FGF14: variants seen among roughly 807,000 people sequenced by gnomAD.
FGF14 encodes fibroblast growth factor homologous factor 4.
A neutral mutation model predicts 25.5 loss-of-function variants in FGF14; 5 were observed. That is an observed-to-expected ratio of 0.20 (90% confidence interval 0.10 to 0.41). The LOEUF (loss-of-function observed/expected upper bound fraction) is 0.41, where lower values mean the gene tolerates loss of function less well. Among genes scored for constraint, FGF14 ranks in the 10% least tolerant of loss-of-function variants. The probability of loss-of-function intolerance (pLI) is 1.00; values close to 1 mark genes in which losing one functional copy is unlikely to be tolerated. For synonymous variants in FGF14, 138 were observed against 118.3 expected, an observed-to-expected ratio of 1.17 and a Z score of -1.08; for missense variants, 222 against 320.1, an observed-to-expected ratio of 0.69 and a Z score of 2.34.
chr13:101,727,240 C>A (rs920936077), intron 3 of FGF14, among the ~76,000 whole-genome samples: 1 of 152,094 alleles, frequency 6.6e-6, no homozygotes, highest in Non-Finnish European at 1.5e-5. Flanking sequence ...TTGCCAGTTG[C>A]TCCTTGGATC....
intron 1 of FGF14, among the ~76,000 whole-genome samples, chr13:102,332,306 A>C (rs1160388404): frequency 6.6e-6 from 1 of 152,164 alleles, no homozygotes; most frequent in Non-Finnish European, 1.5e-5. Context: ...AAAAGAGTTG[A>C]CTGTCCATTT....
At chr13:101,821,045 T>G (rs1447924244) in intron 3 of FGF14, among the ~76,000 whole-genome samples, 5 of 145,180 alleles carry the variant, frequency 3.4e-5, no homozygotes, top group East Asian at 2.1e-4. Flanking sequence ...CCCCCCGGGA[T>G]TCACGCCATT....
chr13:102,229,688 T>C (rs1414150414), intron 1 of FGF14, among the ~76,000 whole-genome samples: 1 of 152,202 alleles, frequency 6.6e-6, no homozygotes, highest in Non-Finnish European at 1.5e-5. Flanking sequence ...ACCTCAAGGC[T>C]TCTCAGGCCT....
intron 1 of FGF14, among the ~76,000 whole-genome samples, chr13:102,177,215 T>G (rs2048485416): frequency 6.6e-6 from 1 of 152,194 alleles, no homozygotes; most frequent in African/African-American, 2.4e-5. Flanking sequence ...ATTTGGAAGA[T>G]ATGAATTTTC....
chr13:102,230,566 G>A (rs2051037307), intron 1 of FGF14, among the ~76,000 whole-genome samples: 1 of 152,138 alleles, frequency 6.6e-6, no homozygotes, highest in Non-Finnish European at 1.5e-5. Context: ...GCCTCATGAG[G>A]GATGTGACTC....
chr13:102,131,247 A>G (rs1416940716), intron 1 of FGF14, among the ~76,000 whole-genome samples: 14 of 152,208 alleles, frequency 9.2e-5, no homozygotes, highest in Admixed American at 8.5e-4. Flanking sequence ...TACTTGTGAA[A>G]TATCTCCTGT....
intron 1 of FGF14, among the ~76,000 whole-genome samples, chr13:102,401,281 G>T (rs1208237010): frequency 5.9e-5 from 9 of 151,776 alleles, no homozygotes; most frequent in Non-Finnish European, 1.3e-4. Context: ...TGCCAATAAT[G>T]GTTTTGGGGT....
At chr13:102,277,801 C>T (rs1042004938) in intron 1 of FGF14, among the ~76,000 whole-genome samples, 3 of 152,232 alleles carry the variant, frequency 2.0e-5, no homozygotes, top group African/African-American at 4.8e-5. Flanking sequence ...CACAAAAGTG[C>T]TCCTGCATTC....
At chr13:101,934,809 C>T (rs2034993714) in intron 1 of FGF14, among the ~76,000 whole-genome samples, 1 of 152,204 alleles carries the variant, frequency 6.6e-6, no homozygotes, top group Non-Finnish European at 1.5e-5. Flanking sequence ...TGTTCTACTG[C>T]TGCAGACTGT....
intron 1 of FGF14, among the ~76,000 whole-genome samples, chr13:102,331,441 T>A (rs777016777): frequency 1.3e-5 from 2 of 152,192 alleles, no homozygotes; most frequent in Admixed American, 6.5e-5. Context: ...GACTTCATTA[T>A]TGTACATTCA....
At chr13:101,844,903 C>T (rs1285019599) in intron 3 of FGF14, among the ~76,000 whole-genome samples, 2 of 152,010 alleles carry the variant, frequency 1.3e-5, no homozygotes, top group Non-Finnish European at 2.9e-5. Flanking sequence ...CCCGTGTCCC[C>T]TGACATCGTA....
At chr13:102,194,750 T>C (rs1306946668) in intron 1 of FGF14, among the ~76,000 whole-genome samples, 1 of 152,108 alleles carries the variant, frequency 6.6e-6, no homozygotes, top group Non-Finnish European at 1.5e-5. Context: ...ACTATACATA[T>C]TAAAAGAAAC....
At chr13:102,261,851 T>G (rs758029687) in intron 1 of FGF14, among the ~76,000 whole-genome samples, 1 of 152,180 alleles carries the variant, frequency 6.6e-6, no homozygotes, top group Admixed American at 6.5e-5. Context: ...GCTGGGGATA[T>G]GTAGGAGTCT....
chr13:102,188,378 C>A (rs2048956556), intron 1 of FGF14, among the ~76,000 whole-genome samples: 1 of 152,076 alleles, frequency 6.6e-6, no homozygotes, highest in Non-Finnish European at 1.5e-5. Context: ...AAAATATGAA[C>A]AAGTGGAAAG....
chr13:102,033,149 G>A (rs1172585337), intron 1 of FGF14, among the ~76,000 whole-genome samples: 1 of 152,008 alleles, frequency 6.6e-6, no homozygotes, highest in Non-Finnish European at 1.5e-5. Context: ...AGTATTTATA[G>A]TATCTTCATG....
chr13:101,757,780 T>G (rs1200419153), intron 3 of FGF14, among the ~76,000 whole-genome samples: 1 of 152,182 alleles, frequency 6.6e-6, no homozygotes, highest in African/African-American at 2.4e-5. Flanking sequence ...GATGAAGAGA[T>G]ACAGATTATT....
intron 2 of FGF14, among the ~76,000 whole-genome samples, chr13:101,874,690 T>C (rs1325356457): frequency 6.6e-6 from 1 of 152,114 alleles, no homozygotes; most frequent in African/African-American, 2.4e-5. Flanking sequence ...ACCTTTATGT[T>C]TTTTTCTATA....
At chr13:102,043,287 T>C (rs996990271) in intron 1 of FGF14, among the ~76,000 whole-genome samples, 1 of 152,196 alleles carries the variant, frequency 6.6e-6, no homozygotes, top group Non-Finnish European at 1.5e-5. Flanking sequence ...GTGGTCTTTG[T>C]TCTTCTCAGG....
intron 3 of FGF14, among the ~76,000 whole-genome samples, chr13:101,850,390 G>A (rs1359026889): frequency 7.1e-6 from 1 of 140,726 alleles, no homozygotes; most frequent in East Asian, 2.1e-4. Flanking sequence ...GGAGGTGGAG[G>A]TTGCAGTGAG....
Sources: allele counts gnomAD v4.1 joint callset (sites outside exome capture counted in the v4.1 genomes callset), GRCh38; gene constraint gnomAD v4.1.1; transcripts MANE v1.5; gene names NCBI Gene and HGNC (gene_info 2026-07-23, HGNC 2026-07-21).